Variants in ARHGEF9 observed in about 807,000 individuals in gnomAD.
The protein encoded by ARHGEF9 is Cdc42 guanine nucleotide exchange factor 9.
Under a neutral mutation model 41.3 loss-of-function variants are expected in ARHGEF9, and 2 were observed. The ratio of observed to expected loss-of-function variants is 0.05; its 90% CI spans 0.02 to 0.15. ARHGEF9 has a LOEUF of 0.15. Ranked by LOEUF, ARHGEF9 falls within the 10% of genes least tolerant of loss-of-function variation. The pLI is 1.00. For synonymous variants in ARHGEF9, 160 were observed against 154.4 expected (o/e 1.04, Z -0.27); for missense variants, 225 against 424.7 (o/e 0.53, Z 4.13).
intron 7 of ARHGEF9, among the ~76,000 whole-genome samples, chrX:63,665,456 T>C (rs1391501082): frequency 1.8e-5 from 2 of 112,982 alleles, no homozygotes; most frequent in Non-Finnish European, 3.7e-5. Context: ...AGGCTCCTCG[T>C]TGGTTCCCAG....
chrX:63,742,983 C>T (rs1734611336), intron 1 of ARHGEF9, among the ~76,000 whole-genome samples: 1 of 112,148 alleles, frequency 8.9e-6, no homozygotes, highest in East Asian at 2.8e-4. Context: ...CTCCTGTAAT[C>T]CCAGCATTTT....
chrX:63,708,030 G>C (rs2052671227), intron 2 of ARHGEF9, among the ~76,000 whole-genome samples: 1 of 111,411 alleles, frequency 9.0e-6, no homozygotes, highest in Non-Finnish European at 1.9e-5. Flanking sequence ...TATCTTTCCA[G>C]CTTCTAAAAG....
At chrX:63,650,628 AAATAGCTAAAAAAAATATTTGGAATGTT>A in intron 8 of ARHGEF9, among the ~76,000 whole-genome samples, 1 of 111,017 alleles carries the variant, frequency 9.0e-6, no homozygotes, top group Non-Finnish European at 1.9e-5. Flanking sequence ...GTATATCTCA[AAATAGCTAAAAAAAATATTTGGAATGTT>A]CCCAACACAA....
chrX:63,708,408 G>A (rs1438451349), intron 2 of ARHGEF9, among the ~76,000 whole-genome samples: 1 of 112,074 alleles, frequency 8.9e-6, no homozygotes, highest in Non-Finnish European at 1.9e-5. Context: ...AATTCTAGTG[G>A]GAATGAAGAC....
At chrX:63,780,385 T>C (rs781858746) in intron 1 of ARHGEF9, among the ~76,000 whole-genome samples, 1 of 110,641 alleles carries the variant, frequency 9.0e-6, no homozygotes, top group Non-Finnish European at 1.9e-5. Context: ...CTTACACAGG[T>C]CATATGGTAT....
intron 8 of ARHGEF9, among the ~76,000 whole-genome samples, chrX:63,646,799 G>T (rs1163186729): frequency 2.7e-5 from 3 of 111,767 alleles, no homozygotes; most frequent in South Asian, 3.8e-4. Context: ...GGATGGCATT[G>T]AATCTATAAA....
chrX:63,638,126 C>T lies in ARHGEF9; in HGVS notation c.1474G>A (p.Gly492Ser), dbSNP rs1365914320. 5.8e-6 allele frequency: 7 copies of T among 1,204,553 alleles called. No homozygotes were observed. Among genetic ancestry groups the T allele is most frequent in the East Asian group, 6.0e-5 (2 of 33,597 alleles). The change falls in exon 10 of 10, where the codon GGC becomes AGC. Residue 492 changes from glycine (G) to serine (S), a missense_variant. By Grantham distance (56) the Gly-to-Ser change is moderately conservative (BLOSUM62 0). Transcript: ENST00000671741. ...LNHGQYLVPD[G>S]IAQSQVFEFT... is the part of the protein sequence containing the mutation. ...TCAAAGACCTGCGACTGAGCGATGC[C>T]GTCGGGGACCAGGTACTGGCCGTGG...
Position 63,690,496 on chromosome X carries a change from A to G in ARHGEF9, c.582+6629T>C, listed in dbSNP as rs781825254. 3.6e-5 allele frequency among the ~76,000 whole-genome samples: 4 copies of G among 111,998 alleles called. No homozygotes were observed. In the South Asian group the frequency reaches 1.5e-3, roughly 41 times the overall value. On this transcript the variant is annotated intron_variant, in intron 4 of 9. Transcript: ENST00000671741. ...TAACAAGATCAAAACAGTAATAAAA[A>G]GTGTCTCATCAAAGAAAAGCCAAGG...
intron 1 of ARHGEF9, among the ~76,000 whole-genome samples, chrX:63,762,414 G>A (rs1469543720): frequency 2.7e-5 from 3 of 111,586 alleles, no homozygotes; most frequent in Non-Finnish European, 3.8e-5. Context: ...ATTATATGTC[G>A]GAGGGAGACT....
intron 1 of ARHGEF9, chrX:63,754,917 G>A: frequency 1.1e-6 from 1 of 939,999 alleles, no homozygotes; most frequent in Non-Finnish European, 1.3e-6. Flanking sequence ...AAGGCGGGGG[G>A]AACCTGTGAG....
chrX:63,690,485 C>A (rs2051269473), intron 4 of ARHGEF9, among the ~76,000 whole-genome samples: 1 of 111,396 alleles, frequency 9.0e-6, no homozygotes, highest in Non-Finnish European at 1.9e-5. Context: ...AAGATCAAAA[C>A]AGTAATAAAA....
At chrX:63,703,837 A>G (rs1247713283) in intron 3 of ARHGEF9, among the ~76,000 whole-genome samples, 1 of 111,870 alleles carries the variant, frequency 8.9e-6, no homozygotes, top group Non-Finnish European at 1.9e-5. Flanking sequence ...ATGATATTTG[A>G]GCAAAGACTT....
intron 1 of ARHGEF9, among the ~76,000 whole-genome samples, chrX:63,757,891 AAAC>A (rs2055963395): frequency 8.9e-6 from 1 of 112,437 alleles, no homozygotes; most frequent in South Asian, 3.7e-4. Context: ...CAACAACAAT[AAAC>A]TGGCATTTCC....
chrX:63,731,545 T>C (rs1217963760), intron 1 of ARHGEF9, among the ~76,000 whole-genome samples: 2 of 104,274 alleles, frequency 1.9e-5, no homozygotes, highest in Non-Finnish European at 3.9e-5. Context: ...TCCCTTTCCC[T>C]GTCTCAGTTT....
chrX:63,778,412 G>A (rs1556460131), intron 1 of ARHGEF9, among the ~76,000 whole-genome samples: 2 of 112,049 alleles, frequency 1.8e-5, no homozygotes, highest in Admixed American at 1.9e-4. Context: ...TTGATGGGAG[G>A]GGCTGCTGGG....
rs1181685056 is a variant in ARHGEF9, at chrX:63,750,076, G to A, written c.31-25365C>T. Among the ~76,000 whole-genome samples, 13 of 112,215 alleles carry A rather than the reference G, an allele frequency of 1.2e-4. No individual in the cohort carries two copies. The Admixed American group carries it at 1.2e-3, about 11-fold the overall frequency. On this transcript the variant is annotated intron_variant, in intron 1 of 9. Coordinates refer to ENST00000671741, the MANE Select transcript of ARHGEF9 (RefSeq NM_001353921.2). ...CCCATTTCTTGGGGCAAAGCCACTG[G>A]AGCAAGATCCAGATGCCTTGTAGGA...
chrX:63,755,823 AC>A, intron 1 of ARHGEF9: 1 of 751,855 alleles, frequency 1.3e-6, no homozygotes, highest in African/African-American at 2.3e-5. Context: ...CCCTGATACC[AC>A]TGCCCTTACC....
rs140669418 is a variant in ARHGEF9, at chrX:63,659,714, G to A, written c.1078-3977C>T. On this transcript the variant is annotated intron_variant, in intron 7 of 9. Transcript: ENST00000671741. ...CTCACTACTATATTCCAGCATCCTA[G>A]AATGCATGCTTAATAATTACATCAA... Among the ~76,000 whole-genome samples the A allele has an allele frequency of 7.6e-4, 85 of 111,681 alleles. 2 individuals carry two copies. In the East Asian group the frequency reaches 0.023, roughly 31 times the overall value.
At chrX:63,761,645 G>A (rs2056035846) in intron 1 of ARHGEF9, among the ~76,000 whole-genome samples, 1 of 111,477 alleles carries the variant, frequency 9.0e-6, no homozygotes, top group Non-Finnish European at 1.9e-5. Context: ...TACAGTTTGA[G>A]AATTTCAAGA....
Sources: gnomAD v4.1 joint callset for allele counts (sites outside exome capture counted in the v4.1 genomes callset) on GRCh38, gnomAD v4.1.1 for gene constraint, MANE v1.5 for transcripts, NCBI Gene and HGNC (gene_info 2026-07-23, HGNC 2026-07-21) for gene names.